The following ASPH variants were observed in gnomAD, a reference collection of about 807,000 sequenced individuals.
The protein encoded by ASPH is aspartyl/asparaginyl beta-hydroxylase.
A neutral mutation model predicts 118.4 loss-of-function variants in ASPH; 100 were observed. The observed-to-expected ratio is 0.84, with a 90% CI of 0.72 to 1.00. The LOEUF (loss-of-function observed/expected upper bound fraction) is 1.00. Among genes scored for constraint, ASPH ranks in the 50% least tolerant of loss-of-function variants. The probability of loss-of-function intolerance (pLI) is 0.00; values close to 1 mark genes in which losing one functional copy is unlikely to be tolerated. For synonymous variants in ASPH, 315 were observed against 325.6 expected, an observed-to-expected ratio of 0.97 and a Z score of 0.35; for missense variants, 920 against 919.5, an observed-to-expected ratio of 1.00 and a Z score of -0.01.
At chr8:61,582,191 C>T (rs1563909796) in intron 15 of ASPH, among the ~76,000 whole-genome samples, 2 of 152,182 alleles carry the variant, frequency 1.3e-5, no homozygotes, top group Non-Finnish European at 2.9e-5. Context: ...TCTTTTATTT[C>T]CCTGGTATAA....
intron 15 of ASPH, 50 bp downstream of exon 15, chr8:61,583,894 G>A (rs368958552): frequency 2.5e-6 from 3 of 1,202,346 alleles, no homozygotes; most frequent in Non-Finnish European, 3.6e-6. Context: ...CAAGAGTAAT[G>A]CCTGAGTTTA....
At chr8:61,567,363 T>C (rs1832052121) in intron 16 of ASPH, 45 bp from the exon 17 acceptor site, 2 of 1,548,588 alleles carry the variant, frequency 1.3e-6, no homozygotes, top group African/African-American at 2.8e-5. Context: ...TGACTAGCTG[T>C]GTTTGTAATT....
intron 24 of ASPH, among the ~76,000 whole-genome samples, chr8:61,506,747 T>C (rs895325613): frequency 6.6e-6 from 1 of 151,996 alleles, no homozygotes. Flanking sequence ...AAAATGAAAA[T>C]ATAAAGAAAA....
chr8:61,651,993 C>CA (rs948063447), intron 4 of ASPH, among the ~76,000 whole-genome samples: 1 of 151,984 alleles, frequency 6.6e-6, no homozygotes, highest in Non-Finnish European at 1.5e-5. Flanking sequence ...TCTTCCATGA[C>CA]AAAAAATAGA....
intron 16 of ASPH, among the ~76,000 whole-genome samples, chr8:61,574,124 A>T (rs1438213300): frequency 6.6e-6 from 1 of 152,256 alleles, no homozygotes; most frequent in Non-Finnish European, 1.5e-5. Flanking sequence ...TCATTAGAGA[A>T]ATGCAAATCA....
At chr8:61,681,654 A>G (rs1828126352) in intron 2 of ASPH, among the ~76,000 whole-genome samples, 1 of 151,874 alleles carries the variant, frequency 6.6e-6, no homozygotes, top group African/African-American at 2.4e-5. Context: ...TTCGGAAATT[A>G]TAAAGGAAAA....
chr8:61,594,211 G>T (rs562492824), intron 14 of ASPH, among the ~76,000 whole-genome samples: 2 of 152,228 alleles, frequency 1.3e-5, no homozygotes, highest in South Asian at 4.1e-4. Context: ...CCAGTCACCA[G>T]GGAATGTTAA....
chr8:61,618,692 C>G (rs1208183956), intron 14 of ASPH, among the ~76,000 whole-genome samples: 1 of 152,162 alleles, frequency 6.6e-6, no homozygotes, highest in Non-Finnish European at 1.5e-5. Flanking sequence ...TCCTACGTTA[C>G]AGAAGAGAAA....
At chr8:61,609,685 T>A (rs1370164903) in intron 14 of ASPH, among the ~76,000 whole-genome samples, 1 of 152,126 alleles carries the variant, frequency 6.6e-6, no homozygotes, top group Non-Finnish European at 1.5e-5. Flanking sequence ...GTGAAAAATA[T>A]AAAAATATCG....
chr8:61,510,052 G>C (rs909855974), intron 24 of ASPH, among the ~76,000 whole-genome samples: 1 of 152,192 alleles, frequency 6.6e-6, no homozygotes, highest in Non-Finnish European at 1.5e-5. Flanking sequence ...TCCCTGGAAC[G>C]TAAGGACAGA....
At chr8:61,636,672 T>C (rs1857914821) in intron 12 of ASPH, among the ~76,000 whole-genome samples, 1 of 152,194 alleles carries the variant, frequency 6.6e-6, no homozygotes, top group Non-Finnish European at 1.5e-5. Context: ...AAAAAACTAT[T>C]TCTAAACCAA....
rs2129609617 is a variant in ASPH, at chr8:61,501,386, G to GAT, written c.*1971_*1972dup. 6.6e-6 allele frequency: 1 copy of GAT among 152,224 alleles called. No homozygotes were observed. Among genetic ancestry groups the GAT allele is most frequent in the Non-Finnish European group, 1.5e-5 (1 of 67,996 alleles). The allele number at this position is 152,224 out of a possible 1,614,324, so 9.4% of individuals were successfully genotyped here. ...ACTTAGAACCTTACTGTAGTGACCT[G>GAT]ATTTTAAATACCATATTATATTTAC... is the stretch of plus-strand genomic sequence containing the variant. On this transcript the variant is annotated 3_prime_UTR_variant, in exon 25 of 25. Transcript: ENST00000379454.
At chr8:61,503,764 ATTGGTCTCATTACATGCCT>A (rs1805401455) in intron 24 of ASPH, among the ~76,000 whole-genome samples, 1 of 152,214 alleles carries the variant, frequency 6.6e-6, no homozygotes, top group Non-Finnish European at 1.5e-5. Flanking sequence ...ATGAAGACAT[ATTGGTCTCATTACATGCCT>A]TGCAATTATT....
intron 21 of ASPH, among the ~76,000 whole-genome samples, chr8:61,547,060 AC>A (rs1363240965): frequency 6.6e-6 from 1 of 152,242 alleles, no homozygotes; most frequent in Non-Finnish European, 1.5e-5. Flanking sequence ...CCTGTAAGAT[AC>A]ATGAAGTTTT....
At chr8:61,506,156 A>C (rs1026864719) in intron 24 of ASPH, among the ~76,000 whole-genome samples, 2 of 152,226 alleles carry the variant, frequency 1.3e-5, no homozygotes, top group Admixed American at 1.3e-4. Flanking sequence ...AAAGGAAGGA[A>C]ATTTTGACAC....
Position 61,714,446 on chromosome 8 carries a change from C to A in ASPH, c.-75G>T. On this transcript the variant is annotated 5_prime_UTR_variant, in exon 1 of 25. Transcript: ENST00000379454. Reference sequence around the variant, plus strand: ...CGGGGGTACACACGCGACGCGGGAACCGCTGGCGGCGGCGGGCCGCTGGAG... The same window carrying A: ...CGGGGGTACACACGCGACGCGGGAAACGCTGGCGGCGGCGGGCCGCTGGAG... 2 of 1,359,676 alleles carry A rather than the reference C, an allele frequency of 1.5e-6. No individual in the cohort carries two copies. Among genetic ancestry groups the A allele is most frequent in the East Asian group, 6.2e-5 (2 of 32,188 alleles). 84.2% of individuals were successfully genotyped at this position (1,359,676 alleles called of 1,614,324 possible). A position where few individuals can be genotyped will look rare whatever the true frequency, so the allele number is the denominator to read the frequency against.
intron 13 of ASPH, among the ~76,000 whole-genome samples, chr8:61,629,344 G>A (rs1854496420): frequency 6.6e-6 from 1 of 152,196 alleles, no homozygotes; most frequent in Non-Finnish European, 1.5e-5. Context: ...ACTCCAATGA[G>A]CTTTCACAAG....
At chr8:61,700,564 C>T (rs1834998633) in intron 1 of ASPH, among the ~76,000 whole-genome samples, 1 of 152,116 alleles carries the variant, frequency 6.6e-6, no homozygotes, top group Admixed American at 6.5e-5. Context: ...GATAAAGATG[C>T]CTCAATAAAA....
intron 1 of ASPH, among the ~76,000 whole-genome samples, chr8:61,699,613 T>G (rs995323904): frequency 2.6e-5 from 4 of 151,776 alleles, no homozygotes; most frequent in Non-Finnish European, 5.9e-5. Flanking sequence ...AATCAAAAAG[T>G]TTCTCTTAAC....
Sources: allele counts gnomAD v4.1 joint callset (sites outside exome capture counted in the v4.1 genomes callset), GRCh38; gene constraint gnomAD v4.1.1; transcripts MANE v1.5; gene names NCBI Gene and HGNC (gene_info 2026-07-23, HGNC 2026-07-21).